The following LRRC63 variants were observed in gnomAD, a reference collection of about 807,000 sequenced individuals.
LRRC63 encodes the protein leucine-rich repeat-containing protein 63.
Under a neutral mutation model 49.5 loss-of-function variants are expected in LRRC63, and 40 were observed. That is an observed-to-expected ratio of 0.81 (90% CI 0.63 to 1.05). The LOEUF is 1.05. Ranked by LOEUF, LRRC63 falls within the 50% of genes least tolerant of loss-of-function variation. The pLI is 0.00. For missense variants in LRRC63, 636 were observed against 663.1 expected, an observed-to-expected ratio of 0.96 and a Z score of 0.45; for synonymous variants, 191 against 221.1, an observed-to-expected ratio of 0.86 and a Z score of 1.21.
intron 5 of LRRC63, among the ~76,000 whole-genome samples, chr13:46,239,015 A>G (rs1213128799): frequency 6.6e-6 from 1 of 152,252 alleles, no homozygotes; most frequent in African/African-American, 2.4e-5. Flanking sequence ...ATAGCACTGA[A>G]TGTCCACATC....
intron 2 of LRRC63, among the ~76,000 whole-genome samples, chr13:46,226,987 A>C (rs975208316): frequency 6.6e-6 from 1 of 152,220 alleles, no homozygotes; most frequent in African/African-American, 2.4e-5. Flanking sequence ...ATAGAAAAGA[A>C]TACTTATTGT....
chr13:46,223,555 C>G, intron 2 of LRRC63, among the ~76,000 whole-genome samples: 1 of 149,220 alleles, frequency 6.7e-6, no homozygotes, highest in African/African-American at 2.5e-5. Flanking sequence ...GAAATTTCTG[C>G]TAAGAAATCC....
intron 7 of LRRC63, among the ~76,000 whole-genome samples, chr13:46,253,858 T>C (rs1448999291): frequency 6.6e-6 from 1 of 152,152 alleles, no homozygotes; most frequent in Non-Finnish European, 1.5e-5. Context: ...GATTAACATG[T>C]TGATTTTAGA....
chr13:46,213,240 C>A, intron 2 of LRRC63, 121 bp downstream of exon 2: 1 of 611,770 alleles, frequency 1.6e-6, no homozygotes, highest in Non-Finnish European at 2.7e-6. Flanking sequence ...TGTTTGTTGT[C>A]AGGTGATAAC....
At chr13:46,234,598 CAGA>C (rs1382094358) in intron 5 of LRRC63, among the ~76,000 whole-genome samples, 1 of 152,126 alleles carries the variant, frequency 6.6e-6, no homozygotes, top group Non-Finnish European at 1.5e-5. Flanking sequence ...AATTTGAATT[CAGA>C]TTTATTGTAT....
At chr13:46,258,935 T>C (rs1338360026) in intron 7 of LRRC63, among the ~76,000 whole-genome samples, 1 of 152,172 alleles carries the variant, frequency 6.6e-6, no homozygotes, top group Non-Finnish European at 1.5e-5. Flanking sequence ...TTTGAAATTA[T>C]GTAACAATTG....
chr13:46,258,653 C>CA lies in LRRC63; in HGVS notation c.1227-3251dup, dbSNP rs530144883. Among the ~76,000 whole-genome samples the CA allele has an allele frequency of 3.6e-4, 54 of 149,836 alleles. No individual in the cohort carries two copies. In the East Asian group the frequency reaches 0.011, roughly 29 times the overall value. On this transcript the variant is annotated intron_variant, in intron 7 of 9. Coordinates refer to ENST00000595396, the Ensembl canonical transcript of LRRC63. ...TGAAACCCCATCTCTACTAAAAATA[C>CA]AAAAATTAGCTGGGCATGGTGGCGT... is the stretch of plus-strand genomic sequence containing the variant.
In LRRC63 at chr13:46,240,151, G is replaced by T. The variant is rs1431514038; in HGVS notation, c.990+5802G>T. Among the ~76,000 whole-genome samples, 12 of 143,234 alleles carry T rather than the reference G, an allele frequency of 8.4e-5. No individual in the cohort carries two copies. The East Asian group carries it at 2.3e-3, about 27-fold the overall frequency. 94.0% of individuals were successfully genotyped at this position (143,234 alleles called of 152,430 possible). ...CTTTTTTTTTTTTTTTTTTTTGACG[G>T]AGTCTCGCTCTGTTGCCCAGGCTGG... On this transcript the variant is annotated intron_variant, in intron 5 of 9. Transcript: ENST00000595396.
intron 5 of LRRC63, among the ~76,000 whole-genome samples, chr13:46,241,706 A>T (rs2047067355): frequency 6.6e-6 from 1 of 152,220 alleles, no homozygotes; most frequent in Non-Finnish European, 1.5e-5. Flanking sequence ...TGTGATCAAC[A>T]AGCATGAAAA....
chr13:46,274,166 G>A (rs1005635905), intron 9 of LRRC63, among the ~76,000 whole-genome samples: 4 of 152,084 alleles, frequency 2.6e-5, no homozygotes, highest in South Asian at 2.1e-4. Flanking sequence ...TAATAAGTAT[G>A]GGTATGAACA....
intron 9 of LRRC63, among the ~76,000 whole-genome samples, chr13:46,276,195 T>C (rs1368612936): frequency 6.6e-6 from 1 of 151,314 alleles, no homozygotes; most frequent in Non-Finnish European, 1.5e-5. Flanking sequence ...ACCTTTATTT[T>C]TTTAAATGAT....
chr13:46,235,465 A>G (rs1425709088), intron 5 of LRRC63, among the ~76,000 whole-genome samples: 3 of 152,190 alleles, frequency 2.0e-5, no homozygotes, highest in Admixed American at 6.5e-5. Flanking sequence ...GAAGATTTCA[A>G]TAGTAGATGT....
chr13:46,274,157 A>ACTTT (rs2047799444), intron 9 of LRRC63, among the ~76,000 whole-genome samples: 1 of 152,166 alleles, frequency 6.6e-6, no homozygotes, highest in African/African-American at 2.4e-5. Context: ...GATCCAAAGT[A>ACTTT]ATAAGTATGG....
chr13:46,227,220 C>T (rs946851567), intron 2 of LRRC63, among the ~76,000 whole-genome samples: 1 of 152,190 alleles, frequency 6.6e-6, no homozygotes, highest in African/African-American at 2.4e-5. Context: ...AAAATCTAGT[C>T]TATTATTGGA....
At chr13:46,275,656 A>AT (rs34767583) in intron 9 of LRRC63, among the ~76,000 whole-genome samples, 56,218 of 148,840 alleles carry the variant, frequency 0.38, 11,283 homozygotes, top group East Asian at 0.55. Flanking sequence ...TTAAAATCAG[A>AT]TTTTTTTTTT....
At chr13:46,226,514 TA>T (rs2046580651) in intron 2 of LRRC63, among the ~76,000 whole-genome samples, 2 of 152,186 alleles carry the variant, frequency 1.3e-5, no homozygotes, top group African/African-American at 4.8e-5. Context: ...GTTCTACAAG[TA>T]TCAGTCAGGG....
exon 5 of LRRC63, chr13:46,234,323 T>C: frequency 6.5e-7 from 1 of 1,550,140 alleles, no homozygotes; most frequent in Non-Finnish European, 8.7e-7. Flanking sequence ...CTGTCAAGTA[T>C]ATGGGAGAAA....
At chr13:46,213,593 G>A (rs2046159816) in intron 2 of LRRC63, among the ~76,000 whole-genome samples, 1 of 152,226 alleles carries the variant, frequency 6.6e-6, no homozygotes, top group South Asian at 2.1e-4. Context: ...ACTGTCTAGT[G>A]TTCCTGAGCA....
At chr13:46,267,116 G>C (rs561891671) in intron 9 of LRRC63, 144 bp downstream of exon 9, 1 of 772,280 alleles carries the variant, frequency 1.3e-6, no homozygotes, top group Admixed American at 3.5e-5. Flanking sequence ...TCTTCAAATC[G>C]CTCCATCCAG....
Sources: allele counts gnomAD v4.1 joint callset (sites outside exome capture counted in the v4.1 genomes callset), GRCh38; gene constraint gnomAD v4.1.1; transcripts MANE v1.5; gene names NCBI Gene and HGNC (gene_info 2026-07-23, HGNC 2026-07-21).